NOTCH2NLA: variants seen among roughly 807,000 people sequenced by gnomAD.
The protein encoded by NOTCH2NLA is notch 2 N-terminal like A.
At chr1:146,187,140 G>C (rs1553810411) in intron 2 of NOTCH2NLA, among the ~76,000 whole-genome samples, 1 of 128,122 alleles carries the variant, frequency 7.8e-6, no homozygotes. Flanking sequence ...TTGGTTTTCT[G>C]TTCCTGTGTT....
At chr1:146,159,189 C>G (rs1372681709) in intron 3 of NOTCH2NLA, among the ~76,000 whole-genome samples, 2 of 151,800 alleles carry the variant, frequency 1.3e-5, no homozygotes, top group Admixed American at 6.6e-5. Flanking sequence ...GAAACGCCAT[C>G]TTTTCTAAAA....
At chr1:146,162,388 TGTG>T (rs1346393564) in intron 3 of NOTCH2NLA, among the ~76,000 whole-genome samples, 4 of 149,762 alleles carry the variant, frequency 2.7e-5, no homozygotes, top group African/African-American at 9.9e-5. Flanking sequence ...GGGGTAGATT[TGTG>T]GTGGTTAAAA....
chr1:146,174,467 C>G (rs587625368), intron 2 of NOTCH2NLA, among the ~76,000 whole-genome samples: 2 of 139,918 alleles, frequency 1.4e-5, no homozygotes, highest in South Asian at 2.2e-4. Flanking sequence ...ACAACAACAA[C>G]AAAGCAAAAT....
At chr1:146,180,882 A>G (rs1476134492) in intron 2 of NOTCH2NLA, among the ~76,000 whole-genome samples, 2 of 113,444 alleles carry the variant, frequency 1.8e-5, no homozygotes, top group Non-Finnish European at 4.2e-5. Context: ...GCTATCATTC[A>G]TAAGGGCAGA....
chr1:146,171,476 C>A (rs1553807085), intron 2 of NOTCH2NLA, among the ~76,000 whole-genome samples: 1 of 130,214 alleles, frequency 7.7e-6, no homozygotes, highest in Non-Finnish European at 1.8e-5. Flanking sequence ...AGGCAGGATT[C>A]AAACCCAAGT....
chr1:146,180,449 A>G (rs1662490769), intron 2 of NOTCH2NLA, among the ~76,000 whole-genome samples: 1 of 141,184 alleles, frequency 7.1e-6, no homozygotes, highest in Non-Finnish European at 1.6e-5. Flanking sequence ...AGCAGAAATT[A>G]ACTGCATTAC....
intron 1 of NOTCH2NLA, among the ~76,000 whole-genome samples, chr1:146,200,436 A>ATATATATATATATATATATAT (rs1324549961): frequency 4.5e-5 from 1 of 22,206 alleles, no homozygotes; most frequent in African/African-American, 2.6e-4. Context: ...AAAAAAAAAA[A>ATATATATATATATATATATAT]AAATATATAT....
intron 2 of NOTCH2NLA, among the ~76,000 whole-genome samples, chr1:146,180,335 C>T (rs1227610443): frequency 1.4e-5 from 2 of 141,436 alleles, no homozygotes; most frequent in East Asian, 1.9e-4. Flanking sequence ...TAATATCACC[C>T]ATCACTTAAA....
intron 1 of NOTCH2NLA, among the ~76,000 whole-genome samples, chr1:146,228,183 G>C (rs1222033953): frequency 1.0e-3 from 145 of 144,598 alleles, no homozygotes; most frequent in African/African-American, 3.6e-3. Flanking sequence ...TCCAAACCAA[G>C]CCCACACACC....
At chr1:146,195,049 C>T (rs587764562) in intron 1 of NOTCH2NLA, among the ~76,000 whole-genome samples, 2 of 109,754 alleles carry the variant, frequency 1.8e-5, no homozygotes, top group East Asian at 3.4e-4. Context: ...GGCCACCCCC[C>T]CCCATCCTTG....
chr1:146,186,773 A>G (rs1571308450), intron 2 of NOTCH2NLA, among the ~76,000 whole-genome samples: 1 of 132,404 alleles, frequency 7.6e-6, no homozygotes, highest in South Asian at 2.5e-4. Flanking sequence ...TTCTCCATAT[A>G]TAAGTCACCA....
intron 2 of NOTCH2NLA, among the ~76,000 whole-genome samples, chr1:146,174,495 G>A (rs1553807703): frequency 7.2e-6 from 1 of 139,072 alleles, no homozygotes; most frequent in Non-Finnish European, 1.6e-5. Context: ...CATACAAGAA[G>A]AAAAAGAGAG....
At chr1:146,207,815 CTTTTTTTTTTTT>C (rs74543040) in intron 1 of NOTCH2NLA, among the ~76,000 whole-genome samples, 2 of 72,222 alleles carry the variant, frequency 2.8e-5, no homozygotes, top group Admixed American at 1.3e-4. Context: ...ATACCACTTT[CTTTTTTTTTTTT>C]TTTTTTTTTT....
chr1:146,173,005 T>G (rs1169446618), intron 2 of NOTCH2NLA, among the ~76,000 whole-genome samples: 1 of 150,528 alleles, frequency 6.6e-6, no homozygotes, highest in East Asian at 2.0e-4. Context: ...CAAATCAACC[T>G]AATAGTCATC....
chr1:146,159,958 C>T (rs1203368010), intron 3 of NOTCH2NLA, among the ~76,000 whole-genome samples: 2 of 27,992 alleles, frequency 7.1e-5, no homozygotes, highest in East Asian at 1.1e-3. Context: ...CAAAGCAATA[C>T]TCCATCTCAA....
At chr1:146,158,267 T>A (rs1486374220) in intron 3 of NOTCH2NLA, among the ~76,000 whole-genome samples, 1 of 146,990 alleles carries the variant, frequency 6.8e-6, no homozygotes, top group African/African-American at 2.5e-5. Context: ...CTGCACCCAT[T>A]AACTCGTCAT....
rs1461601964 is a variant in NOTCH2NLA at position 146,195,049 on chromosome 1, C to CA, written c.-44-5669_-44-5668insT. ...TTCTGGTCCTCACAGGGCCACCCCCCCCCATCCTTGTAACACTCATGACTC... is the reference window on the plus strand; with the variant it reads ...TTCTGGTCCTCACAGGGCCACCCCCCACCCATCCTTGTAACACTCATGACTC... On this transcript the variant is annotated intron_variant, in intron 1 of 4. Coordinates refer to ENST00000362074, the Ensembl canonical transcript of NOTCH2NLA. Among the ~76,000 whole-genome samples, 2 of 109,752 alleles carry CA rather than the reference C, an allele frequency of 1.8e-5. 1 individual carries two copies. Among genetic ancestry groups the CA allele is most frequent in the Admixed American group, 1.8e-4 (2 of 10,904 alleles). 72.0% of individuals were successfully genotyped at this position (109,752 alleles called of 152,430 possible).
At chr1:146,187,933 C>G (rs1662864676) in intron 2 of NOTCH2NLA, among the ~76,000 whole-genome samples, 1 of 135,926 alleles carries the variant, frequency 7.4e-6, no homozygotes, top group Admixed American at 7.6e-5. Flanking sequence ...TTATTCCAAT[C>G]CAAACAACCT....
At chr1:146,172,623 A>C (rs1377364160) in intron 2 of NOTCH2NLA, among the ~76,000 whole-genome samples, 4,688 of 150,264 alleles carry the variant, frequency 0.031, 88 homozygotes, top group African/African-American at 0.11. Context: ...CCCTTTTTTC[A>C]AAAATCTGCT....
Sources: gnomAD v4.1 joint callset for allele counts (sites outside exome capture counted in the v4.1 genomes callset) on GRCh38, gnomAD v4.1.1 for gene constraint, MANE v1.5 for transcripts, NCBI Gene and HGNC (gene_info 2026-07-23, HGNC 2026-07-21) for gene names.